The following VPS54 variants were observed in gnomAD, a reference collection of about 807,000 sequenced individuals.
The protein encoded by VPS54 is VPS54 subunit of GARP complex.
Under a neutral mutation model 121.5 loss-of-function variants are expected in VPS54, and 45 were observed. That is an observed-to-expected ratio of 0.37 (90% CI 0.29 to 0.47). The LOEUF (loss-of-function observed/expected upper bound fraction) is 0.47. Among genes scored for constraint, VPS54 ranks in the 20% least tolerant of loss-of-function variants. The probability of loss-of-function intolerance (pLI) is 0.99; values close to 1 mark genes in which losing one functional copy is unlikely to be tolerated. For synonymous variants in VPS54, 371 were observed against 385.8 expected (o/e 0.96, Z 0.45); for missense variants, 1,090 against 1,131.4 (o/e 0.96, Z 0.52).
intron 1 of VPS54, among the ~76,000 whole-genome samples, chr2:64,001,924 A>C (rs1458921270): frequency 1.3e-5 from 2 of 152,144 alleles, no homozygotes; most frequent in Non-Finnish European, 2.9e-5. Context: ...CCAGTTCAGC[A>C]CTAGGACTTG....
intron 3 of VPS54, among the ~76,000 whole-genome samples, chr2:63,978,298 G>C (rs1403934537): frequency 6.6e-6 from 1 of 152,186 alleles, no homozygotes; most frequent in Admixed American, 6.5e-5. Context: ...AGCGGTATAT[G>C]AGAGTTCCAG....
chr2:63,894,998 G>C (rs1227429981), intron 22 of VPS54, among the ~76,000 whole-genome samples: 1 of 152,084 alleles, frequency 6.6e-6, no homozygotes. Flanking sequence ...GCTTCATCTG[G>C]AATGCAATTT....
At chr2:63,908,332 A>T (rs540617712) in intron 20 of VPS54, among the ~76,000 whole-genome samples, 1 of 152,296 alleles carries the variant, frequency 6.6e-6, no homozygotes, top group African/African-American at 2.4e-5. Flanking sequence ...ATTCTGTATA[A>T]TTCTACTTAG....
At chr2:63,944,944 G>A (rs1674910093) in intron 9 of VPS54, among the ~76,000 whole-genome samples, 2 of 152,154 alleles carry the variant, frequency 1.3e-5, no homozygotes, top group Non-Finnish European at 1.5e-5. Context: ...TGATGGGAGT[G>A]TAAATTAGTT....
chr2:64,001,471 G>T (rs1302251062), intron 1 of VPS54, among the ~76,000 whole-genome samples: 1 of 152,090 alleles, frequency 6.6e-6, no homozygotes, highest in East Asian at 1.9e-4. Flanking sequence ...CTGGGAATGT[G>T]CTGGGTCTCA....
chr2:63,987,832 T>C (rs1677124831), intron 1 of VPS54, among the ~76,000 whole-genome samples: 1 of 152,248 alleles, frequency 6.6e-6, no homozygotes, highest in Non-Finnish European at 1.5e-5. Flanking sequence ...CATTGTTCAG[T>C]GTTGGCATAT....
intron 4 of VPS54, among the ~76,000 whole-genome samples, chr2:63,970,830 C>T (rs908713296): frequency 1.3e-5 from 2 of 152,154 alleles, no homozygotes; most frequent in African/African-American, 4.8e-5. Context: ...TTTCTTCTCA[C>T]TGTTCACATC....
intron 1 of VPS54, among the ~76,000 whole-genome samples, chr2:63,994,520 C>A (rs187097447): frequency 5.3e-5 from 8 of 152,148 alleles, no homozygotes; most frequent in Admixed American, 2.6e-4. Context: ...CAGGAAAAGG[C>A]GGCACTGCAT....
intron 7 of VPS54, among the ~76,000 whole-genome samples, chr2:63,953,668 C>T (rs1416011744): frequency 6.6e-6 from 1 of 151,968 alleles, no homozygotes; most frequent in Non-Finnish European, 1.5e-5. Context: ...GTACAGTGCG[C>T]TAACACTTAT....
chr2:63,983,248 C>T (rs2104618088), intron 2 of VPS54, among the ~76,000 whole-genome samples: 1 of 150,606 alleles, frequency 6.6e-6, no homozygotes, highest in Non-Finnish European at 1.5e-5. Flanking sequence ...TCTCCTGCCT[C>T]AGCCTCCCAA....
chr2:63,910,394 G>A (rs1279217287), intron 20 of VPS54, among the ~76,000 whole-genome samples: 1 of 152,106 alleles, frequency 6.6e-6, no homozygotes, highest in Non-Finnish European at 1.5e-5. Context: ...TAGTTTATAA[G>A]ACTTAAGAGA....
intron 12 of VPS54, among the ~76,000 whole-genome samples, chr2:63,929,681 G>T (rs1674088954): frequency 6.8e-6 from 1 of 146,908 alleles, no homozygotes; most frequent in Non-Finnish European, 1.5e-5. Flanking sequence ...AGAACTGAAG[G>T]ACACAGAGAC....
At chr2:63,938,674 C>T (rs762922881) in intron 11 of VPS54, among the ~76,000 whole-genome samples, 5 of 151,994 alleles carry the variant, frequency 3.3e-5, no homozygotes, top group Non-Finnish European at 7.4e-5. Context: ...CATGTTGGCC[C>T]GGCTGGTCTC....
chr2:63,911,826 C>G (rs1476068073), intron 20 of VPS54, among the ~76,000 whole-genome samples: 1 of 152,126 alleles, frequency 6.6e-6, no homozygotes, highest in Non-Finnish European at 1.5e-5. Context: ...AATTGAAAAA[C>G]TTAGGGAAAG....
At chr2:63,997,919 T>A (rs969579720) in intron 1 of VPS54, among the ~76,000 whole-genome samples, 20 of 152,126 alleles carry the variant, frequency 1.3e-4, no homozygotes, top group African/African-American at 2.4e-5. Context: ...AATTTTTCAA[T>A]TTCTTAATTT....
At chr2:63,914,846 T>G (rs917531170) in intron 16 of VPS54, among the ~76,000 whole-genome samples, 4 of 151,194 alleles carry the variant, frequency 2.6e-5, no homozygotes, top group Admixed American at 2.0e-4. Context: ...TCACAAAAGG[T>G]TCTCTGGCTG....
At chr2:63,969,125 C>T (rs1331211196) in intron 4 of VPS54, 134 bp from the exon 5 acceptor site, 2 of 692,354 alleles carry the variant, frequency 2.9e-6, no homozygotes, top group Admixed American at 6.2e-5. Context: ...AACAAATTAT[C>T]TATCAAGCAC....
intron 8 of VPS54, among the ~76,000 whole-genome samples, chr2:63,948,280 A>C (rs1002858920): frequency 2.6e-5 from 4 of 152,140 alleles, no homozygotes; most frequent in Non-Finnish European, 5.9e-5. Flanking sequence ...AGTGATTAAC[A>C]CTGAGAAGTT....
At chr2:63,921,370 G>T in intron 12 of VPS54, 35 bp from the exon 13 acceptor site, 1 of 1,606,574 alleles carries the variant, frequency 6.2e-7, no homozygotes, top group South Asian at 1.1e-5. Context: ...GTCAGGGAAA[G>T]TTGTAAACAT....
Sources: gnomAD v4.1 joint callset for allele counts (sites outside exome capture counted in the v4.1 genomes callset) on GRCh38, gnomAD v4.1.1 for gene constraint, MANE v1.5 for transcripts, NCBI Gene and HGNC (gene_info 2026-07-23, HGNC 2026-07-21) for gene names.